The following ACSS2 variants were observed in gnomAD, a reference collection of about 807,000 sequenced individuals.
ACSS2 encodes acetyl-coenzyme A synthetase, cytoplasmic.
Under a neutral mutation model 90.6 loss-of-function variants are expected in ACSS2, and 58 were observed. The observed-to-expected ratio is 0.64, with a 90% CI of 0.52 to 0.80. The LOEUF is 0.80. Among genes scored for constraint, ACSS2 ranks in the 30% least tolerant of loss-of-function variants. ACSS2 has a pLI of 0.00. For synonymous variants in ACSS2, 300 were observed against 330.9 expected (o/e 0.91, Z 1.01); for missense variants, 759 against 912.0 (o/e 0.83, Z 2.16).
intron 1 of ACSS2, among the ~76,000 whole-genome samples, chr20:34,877,831 A>G (rs7509556): frequency 7.7e-6 from 1 of 130,330 alleles, no homozygotes; most frequent in Non-Finnish European, 1.6e-5. Context: ...AAAAAAAAAA[A>G]AAAAAAAAAA....
At chr20:34,888,067 CAAAA>C (rs34578238) in intron 2 of ACSS2, among the ~76,000 whole-genome samples, 1 of 62,512 alleles carries the variant, frequency 1.6e-5, no homozygotes, top group Non-Finnish European at 2.8e-5. Flanking sequence ...AAGACTCCAT[CAAAA>C]AAAAAAAAAA....
At position 34,890,695 on chromosome 20, in the gene ACSS2, G is replaced by T. The variant is rs1391333267; in HGVS notation, c.374+7706G>T. On this transcript the variant is annotated intron_variant, in intron 2 of 17. Transcript: ENST00000360596. ...TTTGCTTTGCTTTGGGTTGCCTAAG[G>T]CTGTGGTTATCTCTGAGCCACCTAA... Among the ~76,000 whole-genome samples, 5 of 152,202 alleles carry T rather than the reference G, an allele frequency of 3.3e-5. No individual in the cohort carries two copies. The East Asian group carries it at 7.7e-4, about 23-fold the overall frequency.
At chr20:34,897,532 C>T (rs1168090400) in intron 2 of ACSS2, among the ~76,000 whole-genome samples, 2 of 152,058 alleles carry the variant, frequency 1.3e-5, no homozygotes, top group Admixed American at 6.6e-5. Context: ...TGTTATAGGC[C>T]GGATGCAGTG....
intron 2 of ACSS2, among the ~76,000 whole-genome samples, chr20:34,903,999 C>G (rs897616420): frequency 6.6e-6 from 1 of 151,470 alleles, no homozygotes; most frequent in Admixed American, 6.6e-5. Context: ...TTGGAGGAGA[C>G]AGAGAAGAAG....
At chr20:34,913,303 A>G in intron 3 of ACSS2, 90 bp from the exon 4 acceptor site, 1 of 1,538,878 alleles carries the variant, frequency 6.5e-7, no homozygotes, top group South Asian at 1.1e-5. Flanking sequence ...GGAAGAGAAC[A>G]GGTCAGCTGG....
At chr20:34,882,583 C>T (rs1366559231) in intron 1 of ACSS2, among the ~76,000 whole-genome samples, 1 of 151,966 alleles carries the variant, frequency 6.6e-6, no homozygotes, top group Non-Finnish European at 1.5e-5. Flanking sequence ...GATCATGCCA[C>T]TGCACTCCAG....
chr20:34,915,428 G>A (rs1480983930), intron 7 of ACSS2, among the ~76,000 whole-genome samples: 6 of 152,174 alleles, frequency 3.9e-5, no homozygotes, highest in South Asian at 2.1e-4. Flanking sequence ...TTAAATGTCC[G>A]TTACTGCCTC....
chr20:34,908,493 T>C (rs1309396491), intron 2 of ACSS2, among the ~76,000 whole-genome samples: 1 of 152,206 alleles, frequency 6.6e-6, no homozygotes, highest in Non-Finnish European at 1.5e-5. Context: ...GGCTCAAATA[T>C]CACCTCTCCA....
chr20:34,879,569 A>G (rs894547432), intron 1 of ACSS2, among the ~76,000 whole-genome samples: 6 of 151,978 alleles, frequency 3.9e-5, no homozygotes, highest in Admixed American at 2.0e-4. Flanking sequence ...CTAAGTGTGC[A>G]TAAAATTCAG....
intron 2 of ACSS2, among the ~76,000 whole-genome samples, chr20:34,898,139 AGT>A (rs947407345): frequency 5.1e-4 from 77 of 152,310 alleles, no homozygotes; most frequent in South Asian, 8.3e-4. Flanking sequence ...TCATAAAAGC[AGT>A]GTGGACCCAA....
At chr20:34,878,998 G>T (rs1180525488) in intron 1 of ACSS2, among the ~76,000 whole-genome samples, 2 of 145,448 alleles carry the variant, frequency 1.4e-5, no homozygotes, top group South Asian at 4.5e-4. Flanking sequence ...TCCGCCTCCC[G>T]GGTTCACGCC....
At chr20:34,915,075 G>C in intron 7 of ACSS2, 1 of 832,922 alleles carries the variant, frequency 1.2e-6, no homozygotes, top group Admixed American at 2.1e-5. Context: ...CATATATAGG[G>C]GCTGGAATCA....
chr20:34,925,578 C>T, intron 14 of ACSS2, 120 bp from the exon 15 acceptor site: 1 of 1,099,068 alleles, frequency 9.1e-7, no homozygotes, highest in Non-Finnish European at 1.3e-6. Context: ...CTACAGTGGG[C>T]AAGAGTGGAA....
chr20:34,895,934 A>G (rs973838632), intron 2 of ACSS2, among the ~76,000 whole-genome samples: 6 of 152,344 alleles, frequency 3.9e-5, no homozygotes, highest in East Asian at 3.9e-4. Flanking sequence ...GCATGTGTCT[A>G]TTATACTTGA....
At chr20:34,889,242 C>T (rs2080273593) in intron 2 of ACSS2, among the ~76,000 whole-genome samples, 1 of 152,138 alleles carries the variant, frequency 6.6e-6, no homozygotes, top group South Asian at 2.1e-4. Flanking sequence ...CCTGCCTCAG[C>T]TTCCCGAGCA....
At chr20:34,880,702 ATTT>A (rs1297158594) in intron 1 of ACSS2, among the ~76,000 whole-genome samples, 1 of 152,010 alleles carries the variant, frequency 6.6e-6, no homozygotes, top group African/African-American at 2.4e-5. Context: ...GGGCTTAATA[ATTT>A]TTTTAAATTT....
Position 34,921,773 on chromosome 20 carries a change from C to T in ACSS2, c.1468-13C>T, listed in dbSNP as rs752699414. 87 of 1,612,820 alleles carry T rather than the reference C, an allele frequency of 5.4e-5. No individual in the cohort carries two copies. Among genetic ancestry groups the T allele is most frequent in the Non-Finnish European group, 6.9e-5 (81 of 1,179,508 alleles). ...ATTCCTCTTCTTGGGTTCTGTCTCC[C>T]GTTTGCTTCTAGACTTTCCCATTCT... On this transcript the variant is annotated splice_polypyrimidine_tract_variant and intron_variant, in intron 12 of 17. Coordinates refer to ENST00000360596, the MANE Select transcript of ACSS2 (RefSeq NM_018677.4).
At chr20:34,909,212 A>C (rs1462242635) in intron 2 of ACSS2, among the ~76,000 whole-genome samples, 3 of 150,608 alleles carry the variant, frequency 2.0e-5, no homozygotes, top group Admixed American at 6.6e-5. Context: ...AAAAAAAAAA[A>C]AAAAAGGTAG....
In ACSS2 at chr20:34,914,355, A is replaced by G. The variant is rs1294090201; in HGVS notation, c.752A>G (p.Lys251Arg). The G allele has an allele frequency of 6.2e-7, 1 of 1,613,872 alleles. No homozygotes were observed. Among genetic ancestry groups the G allele is most frequent in the South Asian group, 1.1e-5 (1 of 90,988 alleles). The change falls in exon 7 of 18, where the codon AAG becomes AGG. Residue 251 changes from lysine (K) to arginine (R), a missense_variant. Physicochemically the swap from Lys to Arg is conservative, Grantham distance 26. Coordinates refer to ENST00000360596, the MANE Select transcript of ACSS2 (RefSeq NM_018677.4). ...CCAGTAAGATGCTGCATTGTGGTCA[A>G]GCACCTGGGGCGGGCAGAGCTCGGC... ...GFPVRCCIVV[K>R]HLGRAELGMG... is the part of the protein sequence containing the mutation.
Sources: gnomAD v4.1 joint callset for allele counts (sites outside exome capture counted in the v4.1 genomes callset) on GRCh38, gnomAD v4.1.1 for gene constraint, MANE v1.5 for transcripts, NCBI Gene and HGNC (gene_info 2026-07-23, HGNC 2026-07-21) for gene names.